PARN: variants seen among roughly 807,000 people sequenced by gnomAD.
PARN encodes poly(A)-specific ribonuclease.
In PARN, 71 loss-of-function variants were observed where a neutral mutation model predicts 102.8. That is an observed-to-expected ratio of 0.69 (90% confidence interval 0.57 to 0.84). PARN has a LOEUF of 0.84. PARN is among the 40% of genes least tolerant of loss of function. The probability of loss-of-function intolerance (pLI) is 0.00; values close to 1 mark genes in which losing one functional copy is unlikely to be tolerated. For synonymous variants in PARN, 261 were observed against 252.9 expected (o/e 1.03, Z -0.30); for missense variants, 782 against 760.9 (o/e 1.03, Z -0.33).
chr16:14,625,754 T>G (rs1217590847), intron 5 of PARN, among the ~76,000 whole-genome samples: 2 of 152,242 alleles, frequency 1.3e-5, no homozygotes, highest in African/African-American at 2.4e-5. Flanking sequence ...CTCAATCACT[T>G]GAAGCCTACC....
In PARN at chr16:14,629,685, A is replaced by C; in HGVS notation, c.20-11T>G. The stretch of plus-strand genomic sequence containing the variant: ...GATTACTCTTAAAATCTGCGGAGAA[A>C]CCGAAAAGAGGCTCAGAACCAGTGG... On this transcript the variant is annotated splice_polypyrimidine_tract_variant and intron_variant, in intron 1 of 23. Coordinates refer to ENST00000437198, the MANE Select transcript of PARN (RefSeq NM_002582.4). 6.2e-7 allele frequency: 1 copy of C among 1,602,314 alleles called. No homozygotes were observed. Among genetic ancestry groups the C allele is most frequent in the Non-Finnish European group, 8.6e-7 (1 of 1,169,224 alleles).
chr16:14,579,156 C>T (rs754718151), intron 18 of PARN, among the ~76,000 whole-genome samples: 13 of 152,176 alleles, frequency 8.5e-5, no homozygotes, highest in Middle Eastern at 3.4e-3. Context: ...TTAGTACAGA[C>T]CGGTTTTCAC....
At chr16:14,477,164 G>A (rs1216872955) in intron 22 of PARN, among the ~76,000 whole-genome samples, 1 of 152,190 alleles carries the variant, frequency 6.6e-6, no homozygotes, top group Non-Finnish European at 1.5e-5. Flanking sequence ...AATAGGCAAG[G>A]TGTGGTGGCT....
At position 14,610,769 on chromosome 16, in the gene PARN, T is replaced by A; in HGVS notation, c.429A>T (p.Arg143Ser). Residue 143 changes from arginine to serine, a missense_variant, in exon 7 of 24, where the codon AGA becomes AGT. Coordinates refer to ENST00000437198, the MANE Select transcript of PARN (RefSeq NM_002582.4). ...GTGAACGTTTTTCATCATACTGCTC[T>A]CTTAACTGTCTTTCTTCTTCCTGAT... is the stretch of plus-strand genomic sequence containing the variant. ...YLNQEEERQL[R>S]EQYDEKRSQA... is the part of the protein sequence containing the mutation. 6.2e-7 allele frequency: 1 copy of A among 1,611,368 alleles called. No individual in the cohort carries two copies. The highest frequency in any genetic ancestry group is 8.5e-7 in the Non-Finnish European group (1 of 1,177,564).
At chr16:14,570,112 G>A (rs1462175326) in intron 18 of PARN, among the ~76,000 whole-genome samples, 3 of 151,900 alleles carry the variant, frequency 2.0e-5, no homozygotes, top group East Asian at 1.9e-4. Flanking sequence ...AGGCCAAGGC[G>A]AGCAGATCAC....
intron 23 of PARN, among the ~76,000 whole-genome samples, chr16:14,440,015 AAACAACAAC>A (rs554595692): frequency 1.3e-5 from 2 of 151,832 alleles, no homozygotes; most frequent in Admixed American, 6.6e-5. Context: ...ACTGTCTCGA[AAACAACAAC>A]AACAACAACA....
rs148052946 is a variant in PARN at position 14,446,991 on chromosome 16, G to C, written c.1761C>G (p.Ser587=). The C allele has an allele frequency of 6.2e-7, 1 of 1,613,264 alleles. No individual in the cohort carries two copies. The highest frequency in any genetic ancestry group is 1.1e-5 in the South Asian group (1 of 91,066). Residue 587 remains serine (S), a synonymous_variant, in exon 23 of 24, where the codon TCC becomes TCG. Coordinates refer to ENST00000437198, the MANE Select transcript of PARN (RefSeq NM_002582.4). ...AATCGGTCTGCTCAAGCTCAGTGTC[G>C]GAAATCTCCCCTGACACTCCGTCCT... is the stretch of plus-strand genomic sequence containing the variant. ...GLEDGVSGEI[S]DTELEQTDSC...
intron 11 of PARN, among the ~76,000 whole-genome samples, chr16:14,603,747 C>A (rs1971014027): frequency 6.6e-6 from 1 of 152,196 alleles, no homozygotes; most frequent in Non-Finnish European, 1.5e-5. Flanking sequence ...GGTGATGTTC[C>A]AACAGTACAA....
At chr16:14,438,005 C>T (rs562879079) in intron 23 of PARN, among the ~76,000 whole-genome samples, 7 of 152,282 alleles carry the variant, frequency 4.6e-5, no homozygotes, top group East Asian at 1.9e-4. Flanking sequence ...AAAGGGTAAC[C>T]GGACTCTTTC....
Position 14,628,260 on chromosome 16 carries a change from T to C in PARN, c.98-9A>G. 3 of 1,553,066 alleles carry C rather than the reference T, an allele frequency of 1.9e-6. No individual in the cohort carries two copies. The highest frequency in any genetic ancestry group is 2.7e-6 in the Non-Finnish European group (3 of 1,131,240). ...AGGTCCATCACTGATTCCTAGATTT[T>C]AAGAAATAAAAATTTTTAGCTTACT... On this transcript the variant is annotated splice_polypyrimidine_tract_variant and intron_variant, in intron 2 of 23. Transcript: ENST00000437198.
chr16:14,490,264 G>A (rs986005653), intron 21 of PARN, among the ~76,000 whole-genome samples: 1 of 152,206 alleles, frequency 6.6e-6, no homozygotes, highest in Admixed American at 6.5e-5. Flanking sequence ...TGGCTTTATA[G>A]ATAAGGACAC....
At chr16:14,509,274 C>T (rs1049374625) in intron 21 of PARN, among the ~76,000 whole-genome samples, 7 of 152,244 alleles carry the variant, frequency 4.6e-5, no homozygotes, top group Middle Eastern at 3.4e-3. Flanking sequence ...ACACCACCTA[C>T]CCACCCATAG....
intron 5 of PARN, among the ~76,000 whole-genome samples, chr16:14,621,704 G>T (rs1241567196): frequency 1.3e-5 from 2 of 151,970 alleles, no homozygotes; most frequent in Non-Finnish European, 2.9e-5. Context: ...CCAGCTACTT[G>T]GGAGGCTGAG....
At chr16:14,543,926 G>T (rs1966856838) in intron 21 of PARN, among the ~76,000 whole-genome samples, 1 of 152,222 alleles carries the variant, frequency 6.6e-6, no homozygotes, top group Non-Finnish European at 1.5e-5. Flanking sequence ...TGGGCACGGT[G>T]GCTCACGCCT....
chr16:14,557,367 G>A lies in PARN; in HGVS notation c.1263-1658C>T, dbSNP rs549732505. ...AGGTCAGAAGTTCAAGACCAGCCTGGCCAACATGGTGAAATCCCGTCTCTA... is the reference window on the plus strand; with the variant it reads ...AGGTCAGAAGTTCAAGACCAGCCTGACCAACATGGTGAAATCCCGTCTCTA... On this transcript the variant is annotated intron_variant, in intron 18 of 23. Transcript: ENST00000437198. Among the ~76,000 whole-genome samples, 8 of 151,904 alleles carry A rather than the reference G, an allele frequency of 5.3e-5. No homozygotes were observed. The East Asian group carries it at 1.6e-3, about 29-fold the overall frequency.
intron 22 of PARN, among the ~76,000 whole-genome samples, chr16:14,454,918 T>C (rs982235827): frequency 6.6e-6 from 1 of 152,228 alleles, no homozygotes; most frequent in African/African-American, 2.4e-5. Context: ...TAATAATATA[T>C]GCACAGGTTA....
At chr16:14,612,443 T>A (rs987156038) in intron 6 of PARN, among the ~76,000 whole-genome samples, 6 of 150,258 alleles carry the variant, frequency 4.0e-5, no homozygotes, top group Non-Finnish European at 5.9e-5. Flanking sequence ...CAAAAAAAAA[T>A]AAAAATAAAA....
At chr16:14,612,026 T>C (rs973010551) in intron 6 of PARN, among the ~76,000 whole-genome samples, 1 of 152,196 alleles carries the variant, frequency 6.6e-6, no homozygotes, top group African/African-American at 2.4e-5. Context: ...AGTGGGCTCT[T>C]GTTTGTAACC....
intron 21 of PARN, among the ~76,000 whole-genome samples, chr16:14,526,856 C>T (rs1230974700): frequency 6.6e-6 from 1 of 152,160 alleles, no homozygotes; most frequent in Non-Finnish European, 1.5e-5. Flanking sequence ...TGTGGCATTT[C>T]TCTTGTCAGG....
Sources: gnomAD v4.1 joint callset for allele counts (sites outside exome capture counted in the v4.1 genomes callset) on GRCh38, gnomAD v4.1.1 for gene constraint, MANE v1.5 for transcripts, NCBI Gene and HGNC (gene_info 2026-07-23, HGNC 2026-07-21) for gene names.